MIDEAS: variants seen among roughly 807,000 people sequenced by gnomAD.
MIDEAS encodes the protein mitotic deacetylase associated SANT domain protein.
In MIDEAS, 26 loss-of-function variants were observed where a neutral mutation model predicts 102.7. The observed-to-expected ratio is 0.25, with a 90% CI of 0.19 to 0.35. MIDEAS has a LOEUF of 0.35. MIDEAS is among the 10% of genes least tolerant of loss of function. MIDEAS has a pLI of 1.00. For synonymous variants in MIDEAS, 585 were observed against 591.0 expected (o/e 0.99, Z 0.15); for missense variants, 1,231 against 1,435.6 (o/e 0.86, Z 2.30).
At chr14:73,765,175 C>G (rs2053583877), upstream of MIDEAS, among the ~76,000 whole-genome samples, 1 of 152,216 alleles carries the variant, frequency 6.6e-6, no homozygotes. Context: ...GGCAATGGGC[C>G]AAGAGGAACA....
In MIDEAS at chr14:73,715,662, A is replaced by C. The variant is rs2052874884; in HGVS notation, c.*3181T>G. On this transcript the variant is annotated 3_prime_UTR_variant, in exon 13 of 13. Coordinates refer to ENST00000423556, the MANE Select transcript of MIDEAS (RefSeq NM_001367710.1). ...ATGGAGTTAGGCTTGCCAGTCTGAT[A>C]ATAAATACCGTCCCAGAAAAGCGAG... is the stretch of plus-strand genomic sequence containing the variant. 6.6e-6 allele frequency: 1 copy of C among 152,618 alleles called. No individual in the cohort carries two copies. The highest frequency in any genetic ancestry group is 1.5e-5 in the Non-Finnish European group (1 of 68,050). The allele number at this position is 152,618 out of a possible 1,614,324, so 9.5% of individuals were successfully genotyped here.
intron 1 of MIDEAS, among the ~76,000 whole-genome samples, chr14:73,775,661 A>G (rs1166743556): frequency 6.6e-6 from 1 of 152,114 alleles, no homozygotes; most frequent in Admixed American, 6.5e-5. Flanking sequence ...TAAAACAGCC[A>G]GTAAGTTCAA....
intron 3 of MIDEAS, 131 bp from the exon 4 acceptor site, chr14:73,730,116 A>G (rs1203345123): frequency 1.0e-6 from 1 of 965,256 alleles, no homozygotes; most frequent in Admixed American, 2.0e-5. Context: ...CAAGCCTGAA[A>G]AAAGGAGCAG....
At chr14:73,773,717 G>A (rs936190134) in intron 1 of MIDEAS, among the ~76,000 whole-genome samples, 3 of 151,924 alleles carry the variant, frequency 2.0e-5, no homozygotes, top group Admixed American at 2.0e-4. Context: ...CTTCAAGAAA[G>A]AAAAGTCTTT....
At chr14:73,719,222 T>TCCCCCGGCCCCCCCCCC in intron 12 of MIDEAS, 83 bp downstream of exon 12, 1 of 1,497,116 alleles carries the variant, frequency 6.7e-7, no homozygotes, top group East Asian at 2.5e-5. Context: ...CTGTACCTCT[T>TCCCCCGGCCCCCCCCCC]CCCCCTCCCC....
Position 73,738,836 on chromosome 14 carries a change from C to T in MIDEAS, c.1173G>A (p.Gly391=). ...PLQQPPPGSL[G]QPHPEALGFP... ...ATCCCAGAGCTTCAGGATGGGGCTGCCCCAGGGAGCCAGGTGGCGGCTGCT... is the reference window on the plus strand; with the variant it reads ...ATCCCAGAGCTTCAGGATGGGGCTGTCCCAGGGAGCCAGGTGGCGGCTGCT... The change falls in exon 2 of 13, where the codon GGG becomes GGA. Residue 391 remains glycine (G), a synonymous_variant. Transcript: ENST00000423556. The T allele has an allele frequency of 6.4e-7, 1 of 1,572,222 alleles. No individual in the cohort carries two copies. The highest frequency in any genetic ancestry group is 8.6e-7 in the Non-Finnish European group (1 of 1,159,330).
intron 1 of MIDEAS, among the ~76,000 whole-genome samples, chr14:73,748,519 A>C (rs1296978462): frequency 6.6e-6 from 1 of 152,080 alleles, no homozygotes; most frequent in African/African-American, 2.4e-5. Flanking sequence ...CAACACAGTG[A>C]GACTCTGTAC....
intron 1 of MIDEAS, among the ~76,000 whole-genome samples, chr14:73,768,477 T>C (rs1048915946): frequency 1.1e-4 from 17 of 151,428 alleles, no homozygotes; most frequent in Admixed American, 4.0e-4. Flanking sequence ...TTGACTCACA[T>C]ATTATGTTTT....
At chr14:73,781,149 A>G (rs2053753327) in intron 1 of MIDEAS, among the ~76,000 whole-genome samples, 1 of 152,166 alleles carries the variant, frequency 6.6e-6, no homozygotes, top group Non-Finnish European at 1.5e-5. Context: ...GAACTTGGAG[A>G]AGGAACTTAT....
chr14:73,788,802 C>G (rs750295481), upstream of MIDEAS, among the ~76,000 whole-genome samples: 3 of 152,180 alleles, frequency 2.0e-5, no homozygotes, highest in Non-Finnish European at 1.5e-5. Flanking sequence ...CTTAAGGCAA[C>G]CAATGAGAGA....
intron 1 of MIDEAS, among the ~76,000 whole-genome samples, chr14:73,785,512 T>A (rs1595306064): frequency 6.6e-6 from 1 of 152,226 alleles, no homozygotes; most frequent in African/African-American, 2.4e-5. Context: ...CCCAGCACAA[T>A]AAAGGAATTA....
rs2053522612 is a variant in MIDEAS, at chr14:73,759,040, C to CGCGCGGGCTGGGAGGGCTGCGGCG, written c.-248+699_-248+722dup. ...GGGAACACAGCTCCCCGCGAGGCAC[C>CGCGCGGGCTGGGAGGGCTGCGGCG]GCGCGGGCTGGGAGGGCTGCGGCGG... On this transcript the variant is annotated intron_variant, in intron 1 of 12. Transcript: ENST00000423556. The surrounding 1 kb of genome is among the most constrained non-coding windows in gnomAD (Gnocchi z 6.7). Among the ~76,000 whole-genome samples, 1 of 152,176 alleles carries CGCGCGGGCTGGGAGGGCTGCGGCG rather than the reference C, an allele frequency of 6.6e-6. No homozygotes were observed. The highest frequency in any genetic ancestry group is 2.4e-5 in the African/African-American group (1 of 41,468).
chr14:73,753,494 T>C (rs2053446452), intron 1 of MIDEAS, among the ~76,000 whole-genome samples: 1 of 152,196 alleles, frequency 6.6e-6, no homozygotes, highest in African/African-American at 2.4e-5. Context: ...CAGTTTCATC[T>C]CAGTTATTGT....
Position 73,718,767 on chromosome 14 carries a change from G to A in MIDEAS, c.*76C>T, listed in dbSNP as rs2052935238. The A allele has an allele frequency of 1.5e-6, 2 of 1,311,330 alleles. No homozygotes were observed. Among genetic ancestry groups the A allele is most frequent in the Admixed American group, 3.9e-5 (1 of 25,706 alleles). 81.2% of individuals were successfully genotyped at this position (1,311,330 alleles called of 1,614,324 possible). A position where few individuals can be genotyped will look rare whatever the true frequency, so the allele number is the denominator to read the frequency against. On this transcript the variant is annotated 3_prime_UTR_variant, in exon 13 of 13. Transcript: ENST00000423556. ...TCCTCTCCTCACTCCCTCTTGAGATGCCAGGGTGTCTGCGGGCGCTGGCGG... is the reference window on the plus strand; with the variant it reads ...TCCTCTCCTCACTCCCTCTTGAGATACCAGGGTGTCTGCGGGCGCTGGCGG...
At chr14:73,773,130 G>T (rs1483638056) in intron 1 of MIDEAS, among the ~76,000 whole-genome samples, 1 of 148,740 alleles carries the variant, frequency 6.7e-6, no homozygotes, top group East Asian at 2.1e-4. Context: ...AAGCCACCAC[G>T]CCTGGCTTCT....
chr14:73,732,250 G>A (rs758741338), intron 3 of MIDEAS, among the ~76,000 whole-genome samples: 56 of 152,310 alleles, frequency 3.7e-4, no homozygotes, highest in Middle Eastern at 3.4e-3. Context: ...CTCTCCAGCT[G>A]AGAATAACCA....
chr14:73,719,209 C>A, intron 12 of MIDEAS, 96 bp downstream of exon 12: 3 of 1,511,512 alleles, frequency 2.0e-6, no homozygotes, highest in South Asian at 2.5e-5. Context: ...AGGCGGACAC[C>A]GCCTGTACCT....
chr14:73,727,294 G>C, intron 5 of MIDEAS, 164 bp downstream of exon 5: 1 of 738,904 alleles, frequency 1.4e-6, no homozygotes, highest in African/African-American at 1.8e-5. Context: ...CACAGAGGCA[G>C]GGCGGGGACA....
At chr14:73,722,932 C>T (rs1193307805) in intron 9 of MIDEAS, 85 bp from the exon 10 acceptor site, 2 of 1,510,040 alleles carry the variant, frequency 1.3e-6, no homozygotes, top group Non-Finnish European at 1.8e-6. Context: ...GTCCCTGCAT[C>T]TTTCCCTTAA....
Sources: gnomAD v4.1 joint callset for allele counts (sites outside exome capture counted in the v4.1 genomes callset) on GRCh38, gnomAD v4.1.1 for gene constraint, Gnocchi (gnomAD v3.1) non-coding constraint, MANE v1.5 for transcripts, NCBI Gene and HGNC (gene_info 2026-07-23, HGNC 2026-07-21) for gene names.